Variants in YWHAQ observed in about 807,000 individuals in gnomAD.
The protein encoded by YWHAQ is tyrosine 3-monooxygenase/tryptophan 5-monooxygenase activation protein theta.
Under a neutral mutation model 28.3 loss-of-function variants are expected in YWHAQ, and 6 were observed. The observed-to-expected ratio is 0.21, with a 90% confidence interval of 0.12 to 0.42. The LOEUF (loss-of-function observed/expected upper bound fraction) is 0.42, where lower values mean the gene tolerates loss of function less well. Among genes scored for constraint, YWHAQ ranks in the 10% least tolerant of loss-of-function variants. YWHAQ has a pLI of 1.00. For synonymous variants in YWHAQ, 143 were observed against 119.1 expected (o/e 1.20, Z -1.31); for missense variants, 201 against 305.6 (o/e 0.66, Z 2.55).
intron 2 of YWHAQ, among the ~76,000 whole-genome samples, chr2:9,607,397 C>G (rs1401525935): frequency 2.7e-5 from 4 of 149,256 alleles, no homozygotes; most frequent in Non-Finnish European, 5.9e-5. Flanking sequence ...TTTTAGTAGA[C>G]TGAATTTCAC....
chr2:9,587,073 G>T (rs537768146), intron 5 of YWHAQ, among the ~76,000 whole-genome samples: 44 of 152,198 alleles, frequency 2.9e-4, no homozygotes, highest in African/African-American at 9.4e-4. Context: ...AGAAAGCGTA[G>T]ATATTTAGAT....
intron 2 of YWHAQ, among the ~76,000 whole-genome samples, chr2:9,605,059 G>T (rs2125067716): frequency 6.6e-6 from 1 of 151,536 alleles, no homozygotes; most frequent in Admixed American, 6.6e-5. Context: ...TATTTATTTT[G>T]ATCAAAGTCA....
chr2:9,610,373 A>C (rs1013952221), intron 2 of YWHAQ, among the ~76,000 whole-genome samples: 9 of 152,230 alleles, frequency 5.9e-5, no homozygotes, highest in African/African-American at 1.9e-4. Context: ...TGTGAAGATT[A>C]AATGAGTTAA....
At chr2:9,625,188 G>A (rs1667225359) in intron 2 of YWHAQ, among the ~76,000 whole-genome samples, 1 of 151,444 alleles carries the variant, frequency 6.6e-6, no homozygotes, top group Non-Finnish European at 1.5e-5. Flanking sequence ...CTTAAACCCG[G>A]GAGACAGAGG....
At chr2:9,587,550 C>T (rs751270029) in intron 4 of YWHAQ, 41 bp from the exon 5 acceptor site, 11 of 1,524,194 alleles carry the variant, frequency 7.2e-6, no homozygotes, top group East Asian at 2.3e-5. Context: ...TGTGCATTGA[C>T]GAAAACTGGT....
intron 2 of YWHAQ, chr2:9,615,299 G>A (rs936087409): frequency 6.6e-6 from 1 of 151,536 alleles, no homozygotes; most frequent in Non-Finnish European, 1.5e-5. Context: ...TATCTTGATT[G>A]TTCATTCAGT....
chr2:9,589,499 C>T (rs1666413629), intron 3 of YWHAQ, among the ~76,000 whole-genome samples: 1 of 152,296 alleles, frequency 6.6e-6, no homozygotes, highest in Non-Finnish European at 1.5e-5. Context: ...ACAAGCCTCA[C>T]TTGAACCCGG....
intron 5 of YWHAQ, among the ~76,000 whole-genome samples, chr2:9,585,760 A>C (rs1187628041): frequency 1.3e-5 from 2 of 151,912 alleles, no homozygotes; most frequent in Non-Finnish European, 2.9e-5. Context: ...TCAAAAACAA[A>C]ATTGGCCAGG....
Position 9,630,864 on chromosome 2 carries a change from C to CTTG in YWHAQ, c.-83+76_-83+77insCAA, listed in dbSNP as rs947902209. On this transcript the variant is annotated intron_variant, in intron 1 of 5. Coordinates refer to ENST00000238081, the MANE Select transcript of YWHAQ (RefSeq NM_006826.4). The surrounding 1 kb of genome is among the most constrained non-coding windows in gnomAD (Gnocchi z 5.6). Reference sequence around the variant, plus strand: ...GGAGCGGCATCGACAACCGGCTGCTCTCAAGGGCGGCACCTCCGCCCGGCC... The same window carrying CTTG: ...GGAGCGGCATCGACAACCGGCTGCTCTTGTCAAGGGCGGCACCTCCGCCCGGCC... 3.3e-5 allele frequency: 5 copies of CTTG among 152,614 alleles called. No homozygotes were observed. The highest frequency in any genetic ancestry group is 1.2e-4 in the African/African-American group (5 of 41,448). The allele number at this position is 152,614 out of a possible 1,614,324, so 9.5% of individuals were successfully genotyped here.
At chr2:9,587,343 G>A (rs1187813133) in intron 5 of YWHAQ, 71 bp downstream of exon 5, 3 of 1,387,126 alleles carry the variant, frequency 2.2e-6, no homozygotes, top group African/African-American at 1.5e-5. Context: ...TAAAAGACAC[G>A]AAGTCCAAAA....
chr2:9,597,780 G>C (rs1270622869), intron 2 of YWHAQ, among the ~76,000 whole-genome samples: 1 of 150,498 alleles, frequency 6.6e-6, no homozygotes, highest in Non-Finnish European at 1.5e-5. Flanking sequence ...TTCAGAGATA[G>C]AAGCAAACCT....
chr2:9,607,247 C>T (rs1392075991), intron 2 of YWHAQ, among the ~76,000 whole-genome samples: 3 of 148,822 alleles, frequency 2.0e-5, no homozygotes, highest in African/African-American at 7.5e-5. Flanking sequence ...GTTGCCCAGG[C>T]TGGAGTGCAG....
Position 9,630,478 on chromosome 2 carries a change from C to CCGGG in YWHAQ, c.-27_-26insCCCG. The stretch of plus-strand genomic sequence containing the variant: ...GGCGGGCGCGGGGCCGGGGCCGGGG[C>CCGGG]GGAGGGCGAGGAGAGCGAGGGCGAG... On this transcript the variant is annotated 5_prime_UTR_variant, in exon 2 of 6. Transcript: ENST00000238081. This position sits in a 1 kb window ranked among gnomAD's most constrained non-coding sequence, Gnocchi z 5.6. The CCGGG allele has an allele frequency of 1.3e-6, 2 of 1,567,020 alleles. No homozygotes were observed. The highest frequency in any genetic ancestry group is 1.7e-6 in the Non-Finnish European group (2 of 1,160,556).
At chr2:9,585,965 A>T (rs897335742) in intron 5 of YWHAQ, among the ~76,000 whole-genome samples, 1 of 152,112 alleles carries the variant, frequency 6.6e-6, no homozygotes, top group African/African-American at 2.4e-5. Flanking sequence ...CTACTTTCAG[A>T]ATAAGCAAAG....
intron 2 of YWHAQ, among the ~76,000 whole-genome samples, chr2:9,609,772 A>G (rs1406406437): frequency 6.6e-6 from 1 of 152,240 alleles, no homozygotes; most frequent in African/African-American, 2.4e-5. Flanking sequence ...GTCAACTAGA[A>G]TTCTGTAACC....
At chr2:9,617,618 G>A (rs1364303745) in intron 2 of YWHAQ, among the ~76,000 whole-genome samples, 2 of 152,138 alleles carry the variant, frequency 1.3e-5, no homozygotes, top group African/African-American at 2.4e-5. Context: ...TTTATGTTAC[G>A]TGTTATCTTA....
rs536843621 is a variant in YWHAQ, at chr2:9,619,550, C to CA, written c.294+10608dup. On this transcript the variant is annotated intron_variant, in intron 2 of 5. Coordinates refer to ENST00000238081, the MANE Select transcript of YWHAQ (RefSeq NM_006826.4). ...GAGACAGAGGGAGACCTTGTCTCAC[C>CA]AAAAAAAAACATACACAAAAAAACA... Among the ~76,000 whole-genome samples, 300 of 140,492 alleles carry CA rather than the reference C, an allele frequency of 2.1e-3. 2 individuals are homozygous for CA. Among genetic ancestry groups the CA allele is most frequent in the African/African-American group, 6.2e-3 (239 of 38,268 alleles). The allele number at this position is 140,492 out of a possible 152,430, so 92.2% of individuals were successfully genotyped here.
intron 2 of YWHAQ, among the ~76,000 whole-genome samples, chr2:9,592,699 C>G (rs987234234): frequency 6.6e-6 from 1 of 151,950 alleles, no homozygotes; most frequent in Admixed American, 6.6e-5. Flanking sequence ...CACTGCAGCC[C>G]GGGTGACAGT....
chr2:9,590,210 C>T (rs1666430050), intron 3 of YWHAQ, among the ~76,000 whole-genome samples: 1 of 152,184 alleles, frequency 6.6e-6, no homozygotes, highest in South Asian at 2.1e-4. Flanking sequence ...TCTCAATCTC[C>T]CAAATACTTC....
Sources: allele counts gnomAD v4.1 joint callset (sites outside exome capture counted in the v4.1 genomes callset), GRCh38; gene constraint gnomAD v4.1.1; non-coding constraint Gnocchi (gnomAD v3.1); transcripts MANE v1.5; gene names NCBI Gene and HGNC (gene_info 2026-07-23, HGNC 2026-07-21).